Variants in ITPR1 observed in about 807,000 individuals in gnomAD.
ITPR1 encodes the protein inositol 1,4,5-trisphosphate receptor type 1.
ITPR1 carries 96 observed loss-of-function variants against 318.4 expected under a neutral mutation model. The observed-to-expected ratio is 0.30, with a 90% confidence interval of 0.26 to 0.36. ITPR1 has a LOEUF of 0.36. Among genes scored for constraint, ITPR1 ranks in the 10% least tolerant of loss-of-function variants. The pLI is 1.00. For missense variants in ITPR1, 2,440 were observed against 3,460.2 expected (o/e 0.71, Z 7.40); for synonymous variants, 1,312 against 1,289.9 (o/e 1.02, Z -0.37).
At chr3:4,843,303 G>C (rs980947471) in intron 61 of ITPR1, among the ~76,000 whole-genome samples, 3 of 152,078 alleles carry the variant, frequency 2.0e-5, no homozygotes, top group African/African-American at 4.8e-5. Flanking sequence ...TCTTCTCCAA[G>C]AGCTTCCCTC....
chr3:4,780,070 T>C (rs1404528659), intron 49 of ITPR1, among the ~76,000 whole-genome samples: 1 of 151,972 alleles, frequency 6.6e-6, no homozygotes, highest in East Asian at 1.9e-4. Context: ...CTGCCTGTTT[T>C]GCTGTGTTAC....
At chr3:4,673,464 C>G (rs897624201) in intron 21 of ITPR1, 77 bp downstream of exon 21, 2 of 1,328,062 alleles carry the variant, frequency 1.5e-6, no homozygotes, top group Non-Finnish European at 2.0e-6. Flanking sequence ...CTCATTAAAT[C>G]TTAGAAGAAA....
chr3:4,629,398 G>C (rs1361479320), intron 5 of ITPR1, among the ~76,000 whole-genome samples: 1 of 152,040 alleles, frequency 6.6e-6, no homozygotes, highest in Non-Finnish European at 1.5e-5. Context: ...GAGATGTCTT[G>C]CTTGTTTTTC....
rs369540991 is a variant in ITPR1 at position 4,703,568 on chromosome 3, T to A, written c.4657+618T>A. Among the ~76,000 whole-genome samples, 13 of 152,334 alleles carry A rather than the reference T, an allele frequency of 8.5e-5. No homozygotes were observed. The East Asian group carries it at 9.6e-4, about 11-fold the overall frequency. The stretch of plus-strand genomic sequence containing the variant: ...ATGTTGTGCAAAGAGGTAAGCTTCC[T>A]GCCTGAAGTTGAGAAGAGAGTTACC... On this transcript the variant is annotated intron_variant, in intron 36 of 61. Transcript: ENST00000649015.
chr3:4,595,877 T>A (rs1157985658), intron 4 of ITPR1, among the ~76,000 whole-genome samples: 1 of 152,060 alleles, frequency 6.6e-6, no homozygotes, highest in Non-Finnish European at 1.5e-5. Context: ...ATCAGAAAGG[T>A]CAGGTATGGC....
chr3:4,619,550 TTTCCCCCTTCCCCTGCCCTTTCCCC>T lies in ITPR1; in HGVS notation c.164-8193_164-8169del, dbSNP rs1183676881. ...CAACTTCCATCCCCTTCTGCCGCCCTTTCCCCCTTCCCCTGCCCTTTCCCCTTCCCCCTTCCCCTGCCCTCCCCTG... is the reference window on the plus strand; with the variant it reads ...CAACTTCCATCCCCTTCTGCCGCCCTTTCCCCCTTCCCCTGCCCTCCCCTG... On this transcript the variant is annotated intron_variant, in intron 4 of 61. Coordinates refer to ENST00000649015, the MANE Select transcript of ITPR1 (RefSeq NM_001378452.1). 8.5e-4 allele frequency among the ~76,000 whole-genome samples: 105 copies of T among 123,232 alleles called. 2 individuals are homozygous for T. The highest frequency in any genetic ancestry group is 4.8e-3 in the East Asian group (18 of 3,726). 80.8% of individuals were successfully genotyped at this position (123,232 alleles called of 152,430 possible). A position where few individuals can be genotyped will look rare whatever the true frequency, so the allele number is the denominator to read the frequency against.
intron 40 of ITPR1, among the ~76,000 whole-genome samples, chr3:4,724,116 A>C (rs2042347171): frequency 6.6e-6 from 1 of 151,946 alleles, no homozygotes; most frequent in Admixed American, 6.6e-5. Context: ...CCCCACCCCG[A>C]GCAGGAGGCT....
At chr3:4,814,260 A>G in intron 57 of ITPR1, 163 bp from the exon 58 acceptor site, 2 of 751,250 alleles carry the variant, frequency 2.7e-6, no homozygotes, top group Admixed American at 2.1e-5. Context: ...GCCCCAGACG[A>G]CTTTAGCTTT....
At chr3:4,657,458 GT>G (rs1264373943) in intron 12 of ITPR1, among the ~76,000 whole-genome samples, 1 of 144,298 alleles carries the variant, frequency 6.9e-6, no homozygotes, top group Non-Finnish European at 1.5e-5. Context: ...GTAACTGCAC[GT>G]TTTTGAAAGA....
chr3:4,676,697 A>T lies in ITPR1; in HGVS notation c.2863A>T (p.Thr955Ser). The change falls in exon 24 of 62, where the codon ACT (threonine) becomes TCT (serine). Residue 955 changes from threonine (T) to serine (S), a missense_variant. Coordinates refer to ENST00000649015, the MANE Select transcript of ITPR1 (RefSeq NM_001378452.1). ...VLRGGGFLPM[T>S]PMAAAPEGNV... ...CCGGGGAGGAGGCTTTTTGCCCATG[A>T]CTCCCATGGCTGCTGCCCCTGAAGG... is the stretch of plus-strand genomic sequence containing the variant. The T allele has an allele frequency of 6.2e-7, 1 of 1,613,452 alleles. No individual in the cohort carries two copies. The highest frequency in any genetic ancestry group is 8.5e-7 in the Non-Finnish European group (1 of 1,179,732).
intron 4 of ITPR1, among the ~76,000 whole-genome samples, chr3:4,552,157 T>G (rs1246168745): frequency 6.6e-6 from 1 of 152,242 alleles, no homozygotes; most frequent in Non-Finnish European, 1.5e-5. Context: ...AACACAGATT[T>G]CTGTGACAAA....
In ITPR1 at chr3:4,681,392, A is replaced by G. The variant is rs1332512820; in HGVS notation, c.3135A>G (p.Glu1045=). 9 of 1,612,978 alleles carry G rather than the reference A, an allele frequency of 5.6e-6. No individual in the cohort carries two copies. In the East Asian group the frequency reaches 1.6e-4, roughly 28 times the overall value. Reference sequence around the variant, plus strand: ...CTCTTGACTTTGAACACATTGAAGAACAAGCAGAAGGCATCTTTGGAGGAA... The same window carrying G: ...CTCTTGACTTTGAACACATTGAAGAGCAAGCAGAAGGCATCTTTGGAGGAA... The part of the protein sequence containing the change: ...PGALDFEHIE[E]QAEGIFGGSE... The change falls in exon 26 of 62, where the codon GAA becomes GAG. Residue 1045 remains glutamate (E), a synonymous_variant. Coordinates refer to ENST00000649015, the MANE Select transcript of ITPR1 (RefSeq NM_001378452.1).
At chr3:4,518,596 C>A (rs143959512) in intron 3 of ITPR1, among the ~76,000 whole-genome samples, 1 of 152,040 alleles carries the variant, frequency 6.6e-6, no homozygotes, top group Non-Finnish European at 1.5e-5. Context: ...GAGTGCCAGT[C>A]GTTATGGGAC....
chr3:4,790,889 C>T (rs1226277842), intron 52 of ITPR1, among the ~76,000 whole-genome samples: 1 of 152,246 alleles, frequency 6.6e-6, no homozygotes, highest in East Asian at 1.9e-4. Flanking sequence ...CTCACATCCT[C>T]TCTCTCACCA....
At chr3:4,547,495 C>T (rs1479871618) in intron 4 of ITPR1, among the ~76,000 whole-genome samples, 2 of 152,196 alleles carry the variant, frequency 1.3e-5, no homozygotes, top group Non-Finnish European at 2.9e-5. Flanking sequence ...ATCCAGGCCT[C>T]TATGGCTTCA....
chr3:4,570,951 C>T (rs2087911097), intron 4 of ITPR1, among the ~76,000 whole-genome samples: 1 of 152,322 alleles, frequency 6.6e-6, no homozygotes, highest in South Asian at 2.1e-4. Context: ...TGAGCTTACC[C>T]ATGTGCCTGA....
At chr3:4,769,181 TGAGCCACC>T in intron 46 of ITPR1, among the ~76,000 whole-genome samples, 1 of 152,258 alleles carries the variant, frequency 6.6e-6, no homozygotes, top group South Asian at 2.1e-4. Flanking sequence ...ATTACAGGCA[TGAGCCACC>T]GAGCCACCGA....
chr3:4,729,590 C>A (rs1323557505), intron 42 of ITPR1, among the ~76,000 whole-genome samples: 5 of 152,200 alleles, frequency 3.3e-5, no homozygotes, highest in African/African-American at 1.2e-4. Flanking sequence ...GTGCCTTGTT[C>A]AACACTGGCT....
At chr3:4,640,335 T>G (rs4074088) in intron 6 of ITPR1, among the ~76,000 whole-genome samples, 137,839 of 152,240 alleles carry the variant, frequency 0.91, 62,950 homozygotes, top group Non-Finnish European at 0.98. Context: ...ACCTTTGGGG[T>G]TTAAATGGGT....
Sources: allele counts gnomAD v4.1 joint callset (sites outside exome capture counted in the v4.1 genomes callset), GRCh38; gene constraint gnomAD v4.1.1; transcripts MANE v1.5; gene names NCBI Gene and HGNC (gene_info 2026-07-23, HGNC 2026-07-21).